Variants in CLSTN2 observed in about 807,000 individuals in gnomAD.
CLSTN2 encodes calsyntenin-2.
A neutral mutation model predicts 101.2 loss-of-function variants in CLSTN2; 48 were observed. That is an observed-to-expected ratio of 0.47 (90% CI 0.38 to 0.60). CLSTN2 has a LOEUF of 0.60. Ranked by LOEUF, CLSTN2 falls within the 20% of genes least tolerant of loss-of-function variation. CLSTN2 has a pLI of 0.00. For synonymous variants in CLSTN2, 481 were observed against 463.6 expected, an observed-to-expected ratio of 1.04 and a Z score of -0.48; for missense variants, 1,160 against 1,238.2, an observed-to-expected ratio of 0.94 and a Z score of 0.95.
intron 1 of CLSTN2, among the ~76,000 whole-genome samples, chr3:140,039,914 T>C (rs902437857): frequency 6.6e-6 from 1 of 152,232 alleles, no homozygotes; most frequent in Non-Finnish European, 1.5e-5. Flanking sequence ...ATCAAGTATG[T>C]TGAGCTATTT....
At chr3:140,135,161 T>TATATATATATATATATAA (rs1553801612) in intron 1 of CLSTN2, among the ~76,000 whole-genome samples, 1 of 98,878 alleles carries the variant, frequency 1.0e-5, no homozygotes, top group African/African-American at 3.3e-5. Context: ...TATATATATA[T>TATATATATATATATATAA]AAAATATGCT....
intron 2 of CLSTN2, among the ~76,000 whole-genome samples, chr3:140,296,661 T>G (rs2087007108): frequency 6.6e-6 from 1 of 152,242 alleles, no homozygotes; most frequent in Non-Finnish European, 1.5e-5. Context: ...ACAACGCAAG[T>G]ATTTGTTAGA....
rs1006961961 is a variant in CLSTN2, at chr3:140,155,723, T to A, written c.110-20228T>A. 2.6e-5 allele frequency among the ~76,000 whole-genome samples: 4 copies of A among 152,208 alleles called. No homozygotes were observed. The East Asian group carries it at 7.7e-4, about 29-fold the overall frequency. On this transcript the variant is annotated intron_variant, in intron 1 of 16. Coordinates refer to ENST00000458420, the MANE Select transcript of CLSTN2 (RefSeq NM_022131.3). ...TCATGATGCAAACAAGTCTTCAATC[T>A]GGTTCATCACACACTTGCTTGCTGA...
intron 2 of CLSTN2, among the ~76,000 whole-genome samples, chr3:140,219,012 GT>G (rs1379738870): frequency 6.6e-6 from 1 of 152,082 alleles, no homozygotes; most frequent in African/African-American, 2.4e-5. Flanking sequence ...AAGCTGTTTT[GT>G]TTTGTTTTTA....
intron 1 of CLSTN2, among the ~76,000 whole-genome samples, chr3:140,049,148 G>A (rs1017043777): frequency 6.6e-6 from 1 of 152,306 alleles, no homozygotes; most frequent in African/African-American, 2.4e-5. Context: ...TCTCCATTGA[G>A]GATACACTGA....
chr3:140,066,440 C>G (rs6795400), intron 1 of CLSTN2, among the ~76,000 whole-genome samples: 2 of 152,318 alleles, frequency 1.3e-5, no homozygotes, highest in Admixed American at 1.3e-4. Context: ...AGCCAATGAC[C>G]CTGTGAAAGA....
intron 2 of CLSTN2, among the ~76,000 whole-genome samples, chr3:140,333,931 C>T (rs763607868): frequency 2.0e-5 from 3 of 151,830 alleles, no homozygotes; most frequent in Non-Finnish European, 4.4e-5. Flanking sequence ...GCTGGAGAAA[C>T]GTGAAAAAAA....
At chr3:139,979,300 C>T (rs1935875250) in intron 1 of CLSTN2, among the ~76,000 whole-genome samples, 1 of 152,218 alleles carries the variant, frequency 6.6e-6, no homozygotes, top group Non-Finnish European at 1.5e-5. Flanking sequence ...GGTTTCTCAC[C>T]TGTTCACAGA....
chr3:139,953,708 T>C (rs915612338), intron 1 of CLSTN2, among the ~76,000 whole-genome samples: 1 of 152,174 alleles, frequency 6.6e-6, no homozygotes, highest in Non-Finnish European at 1.5e-5. Context: ...TGTCTGGGCA[T>C]CTCCAAGAGG....
At chr3:140,043,678 A>G (rs2007807799) in intron 1 of CLSTN2, among the ~76,000 whole-genome samples, 1 of 152,162 alleles carries the variant, frequency 6.6e-6, no homozygotes, top group Non-Finnish European at 1.5e-5. Flanking sequence ...TAAGTCTTTA[A>G]TCCATCTTGA....
At chr3:140,546,265 C>T (rs908688657) in intron 9 of CLSTN2, among the ~76,000 whole-genome samples, 15 of 152,220 alleles carry the variant, frequency 9.9e-5, no homozygotes, top group African/African-American at 3.4e-4. Context: ...ACAGTGTGCC[C>T]TTGAAAATAA....
chr3:140,030,181 T>C (rs1300921341), intron 1 of CLSTN2, among the ~76,000 whole-genome samples: 2 of 152,024 alleles, frequency 1.3e-5, no homozygotes, highest in Non-Finnish European at 2.9e-5. Context: ...GGGCTTGCAA[T>C]GTGCCAGGTG....
intron 1 of CLSTN2, among the ~76,000 whole-genome samples, chr3:140,130,805 T>C (rs76532243): frequency 9.2e-5 from 14 of 152,282 alleles, no homozygotes; most frequent in Non-Finnish European, 1.6e-4. Flanking sequence ...TTTTGCGTCT[T>C]TGTTTTCTAG....
chr3:140,138,004 A>T (rs1254209210), intron 1 of CLSTN2, among the ~76,000 whole-genome samples: 2 of 152,174 alleles, frequency 1.3e-5, no homozygotes, highest in African/African-American at 4.8e-5. Context: ...GAACCATACG[A>T]CATACACATA....
chr3:140,117,981 C>T (rs2009274595), intron 1 of CLSTN2, among the ~76,000 whole-genome samples: 4 of 152,186 alleles, frequency 2.6e-5, no homozygotes, highest in Admixed American at 2.6e-4. Context: ...TATGTTGAAG[C>T]CCTAAGCCCC....
intron 1 of CLSTN2, among the ~76,000 whole-genome samples, chr3:140,052,524 A>T (rs2008016579): frequency 6.6e-6 from 1 of 152,162 alleles, no homozygotes; most frequent in Non-Finnish European, 1.5e-5. Context: ...GTTTATTCTC[A>T]TAGGCCTCTG....
In CLSTN2 at chr3:140,418,490, G is replaced by GTTCT. The variant is rs368168635; in HGVS notation, c.638-2608_638-2605dup. On this transcript the variant is annotated intron_variant, in intron 4 of 16. Coordinates refer to ENST00000458420, the MANE Select transcript of CLSTN2 (RefSeq NM_022131.3). ...GAAGATAGCAGAATAGATTATTCTA[G>GTTCT]TTCTTTCTTTCTTTCTTTCTTTCTT... Among the ~76,000 whole-genome samples the GTTCT allele has an allele frequency of 5.2e-3, 667 of 128,770 alleles. 7 individuals are homozygous for GTTCT. The highest frequency in any genetic ancestry group is 0.024 in the East Asian group (107 of 4,452). The allele number at this position is 128,770 out of a possible 152,430, so 84.5% of individuals were successfully genotyped here.
intron 1 of CLSTN2, among the ~76,000 whole-genome samples, chr3:140,055,135 CT>C (rs1299000199): frequency 5.3e-5 from 8 of 152,186 alleles, no homozygotes; most frequent in Admixed American, 2.0e-4. Flanking sequence ...TTTCATCTCT[CT>C]TTTTTTCCTC....
chr3:140,069,949 G>A (rs1260544405), intron 1 of CLSTN2, among the ~76,000 whole-genome samples: 1 of 152,200 alleles, frequency 6.6e-6, no homozygotes, highest in East Asian at 1.9e-4. Context: ...AGTTGTTTGA[G>A]AGCAAGATTG....
Sources: gnomAD v4.1 joint callset for allele counts (sites outside exome capture counted in the v4.1 genomes callset) on GRCh38, gnomAD v4.1.1 for gene constraint, MANE v1.5 for transcripts, NCBI Gene and HGNC (gene_info 2026-07-23, HGNC 2026-07-21) for gene names.